TRIO: variants seen among roughly 807,000 people sequenced by gnomAD.
The protein encoded by TRIO is trio Rho guanine nucleotide exchange factor, also known as triple functional domain protein.
TRIO carries 58 observed loss-of-function variants against 351.9 expected under a neutral mutation model. The observed-to-expected ratio is 0.16, with a 90% CI of 0.13 to 0.21. The LOEUF is 0.21. Ranked by LOEUF, TRIO falls within the 10% of genes least tolerant of loss-of-function variation. TRIO has a pLI of 1.00. For synonymous variants in TRIO, 1,758 were observed against 1,595.7 expected (o/e 1.10, Z -2.42); for missense variants, 3,201 against 4,027.8 (o/e 0.79, Z 5.56).
At chr5:14,366,310 C>A (rs1348978785) in intron 15 of TRIO, among the ~76,000 whole-genome samples, 1 of 152,168 alleles carries the variant, frequency 6.6e-6, no homozygotes, top group Non-Finnish European at 1.5e-5. Flanking sequence ...TTAGAATTTA[C>A]TTCCTCTGAG....
intron 39 of TRIO, 57 bp from the exon 40 acceptor site, chr5:14,473,937 A>G: frequency 2.6e-6 from 4 of 1,520,976 alleles, no homozygotes; most frequent in East Asian, 2.3e-5. Flanking sequence ...TCAATAAGCC[A>G]CTAGTTGATT....
chr5:14,218,737 T>G (rs973317296), intron 1 of TRIO, among the ~76,000 whole-genome samples: 3 of 152,230 alleles, frequency 2.0e-5, no homozygotes, highest in Non-Finnish European at 4.4e-5. Context: ...GCCAGGGCTA[T>G]ACCCGGCTGC....
intron 38 of TRIO, among the ~76,000 whole-genome samples, chr5:14,472,219 T>C (rs1754742757): frequency 6.6e-6 from 1 of 152,276 alleles, no homozygotes; most frequent in African/African-American, 2.4e-5. Context: ...AAAGTTTTTC[T>C]TGTATAGCCA....
rs753023352 is a variant in TRIO, at chr5:14,488,274, G to T, written c.7632+14G>T. The T allele has an allele frequency of 6.5e-7, 1 of 1,543,506 alleles. No individual in the cohort carries two copies. The highest frequency in any genetic ancestry group is 8.7e-7 in the Non-Finnish European group (1 of 1,150,014). ...CAGAGCAACGGGGTAAGCGCGTCGG[G>T]GGGCCCGCGCCCTCCCGCCCCCCTG... is the stretch of plus-strand genomic sequence containing the variant. On this transcript the variant is annotated intron_variant, in intron 48 of 56. Coordinates refer to ENST00000344204, the MANE Select transcript of TRIO (RefSeq NM_007118.4).
At chr5:14,199,662 C>T (rs1581333443) in intron 1 of TRIO, among the ~76,000 whole-genome samples, 1 of 152,188 alleles carries the variant, frequency 6.6e-6, no homozygotes, top group African/African-American at 2.4e-5. Context: ...CTGTTCCCTG[C>T]CCCTCTCCTC....
Position 14,149,570 on chromosome 5 carries a change from C to T in TRIO, c.157+5688C>T, listed in dbSNP as rs146426956. Among the ~76,000 whole-genome samples the T allele has an allele frequency of 8.3e-3, 1,267 of 152,196 alleles. 15 individuals are homozygous for T. Among genetic ancestry groups the T allele is most frequent in the African/African-American group, 0.029 (1,204 of 41,512 alleles). The stretch of plus-strand genomic sequence containing the variant: ...GAGAGAGCAAACCAGAGTGAGGCTA[C>T]GAGCGGGGGGCAGAGGGCATTGACC... On this transcript the variant is annotated intron_variant, in intron 1 of 56. Transcript: ENST00000344204.
intron 7 of TRIO, among the ~76,000 whole-genome samples, chr5:14,298,118 C>T (rs1488220090): frequency 2.6e-5 from 4 of 152,120 alleles, no homozygotes; most frequent in Admixed American, 6.5e-5. Context: ...CAGTGTCTTT[C>T]ATAATTATAA....
chr5:14,336,489 C>T (rs1452144053), intron 10 of TRIO, 47 bp from the exon 11 acceptor site: 1 of 1,596,924 alleles, frequency 6.3e-7, no homozygotes, highest in Admixed American at 1.7e-5. Context: ...CCTGGCTGGT[C>T]TGCTTTTCAC....
chr5:14,441,168 A>G (rs1016227293), intron 34 of TRIO: 1 of 152,842 alleles, frequency 6.5e-6, no homozygotes, highest in African/African-American at 2.4e-5. Flanking sequence ...TTTTGCTGCC[A>G]AGCGGGTGGC....
At chr5:14,168,764 A>G (rs1407324332) in intron 1 of TRIO, among the ~76,000 whole-genome samples, 12 of 152,196 alleles carry the variant, frequency 7.9e-5, no homozygotes, top group Admixed American at 7.2e-4. Flanking sequence ...TTTTGTTACT[A>G]TATGTCCATC....
rs751905605 is a variant in TRIO, at chr5:14,498,226, G to A, written c.8185G>A (p.Asp2729Asn). The A allele has an allele frequency of 2.9e-5, 47 of 1,614,090 alleles. No individual in the cohort carries two copies. The African/African-American group carries it at 4.0e-4, about 14-fold the overall frequency. ...CCCTGAACACAACACCTTGAACAAC[G>A]ATGGTCACTACAGCATCTCCTACAG... ...KGPEHNTLNNDGHYSISYSDL... is the reference protein window; with the variant it reads ...KGPEHNTLNNNGHYSISYSDL... The change falls in exon 52 of 57, where the codon GAT becomes AAT. Residue 2729 changes from aspartate to asparagine, a missense_variant. Physicochemically the swap from Asp to Asn is conservative, Grantham distance 23. Around this residue, in one of 19 missense-constraint regions of TRIO, gnomAD observed 1,089 missense variants for 954.9 expected, o/e 1.14. Coordinates refer to ENST00000344204, the MANE Select transcript of TRIO (RefSeq NM_007118.4).
chr5:14,349,991 C>A (rs1423922609), intron 11 of TRIO, among the ~76,000 whole-genome samples: 1 of 152,172 alleles, frequency 6.6e-6, no homozygotes, highest in Non-Finnish European at 1.5e-5. Flanking sequence ...GTTTTCTGTT[C>A]ATGCATTAGT....
rs1227649681 is a variant in TRIO at position 14,143,754 on chromosome 5, CCCCCGCCGCGTCCTCCGG to C, written c.40_57del (p.Ser14_Ala19del). ...AGCGGCAGCAGCGGCGGAGCCGCCG[CCCCCGCCGCGTCCTCCGG>C]CCCCGCCGCGGCGGCCAGCGCGGCT... On this transcript the variant is annotated inframe_deletion, in exon 1 of 57. Transcript: ENST00000344204. The C allele has an allele frequency of 6.1e-6, 6 of 988,866 alleles. No individual in the cohort carries two copies. The highest frequency in any genetic ancestry group is 4.8e-6 in the Non-Finnish European group (4 of 833,920). The allele number at this position is 988,866 out of a possible 1,614,324, so 61.3% of individuals were successfully genotyped here. A position where few individuals can be genotyped will look rare whatever the true frequency, so the allele number is the denominator to read the frequency against.
At chr5:14,247,253 T>C (rs534069889) in intron 1 of TRIO, among the ~76,000 whole-genome samples, 5 of 152,360 alleles carry the variant, frequency 3.3e-5, no homozygotes, top group Non-Finnish European at 5.9e-5. Context: ...GTCCTGTCAC[T>C]GTCACAACTG....
At position 14,366,986 on chromosome 5, in the gene TRIO, G is replaced by C. The variant is rs981331345; in HGVS notation, c.2874+7G>C. On this transcript the variant is annotated splice_region_variant and intron_variant, in intron 16 of 56. Coordinates refer to ENST00000344204, the MANE Select transcript of TRIO (RefSeq NM_007118.4). ...GTTCCAGCATGCCATTGAGGTAAGGGCGCTGGGCCTGCCTGTGTGTTGGCT... is the reference window on the plus strand; with the variant it reads ...GTTCCAGCATGCCATTGAGGTAAGGCCGCTGGGCCTGCCTGTGTGTTGGCT... The C allele has an allele frequency of 2.5e-6, 4 of 1,613,996 alleles. No individual in the cohort carries two copies. The highest frequency in any genetic ancestry group is 1.7e-4 in the Middle Eastern group (1 of 6,060).
chr5:14,237,823 G>A (rs371079619), intron 1 of TRIO, among the ~76,000 whole-genome samples: 20 of 152,132 alleles, frequency 1.3e-4, no homozygotes, highest in East Asian at 3.8e-4. Context: ...AAAGAGAAAC[G>A]GTTACCAGCT....
intron 11 of TRIO, among the ~76,000 whole-genome samples, chr5:14,347,957 A>G (rs191237060): frequency 6.6e-6 from 1 of 152,272 alleles, no homozygotes; most frequent in Non-Finnish European, 1.5e-5. Flanking sequence ...TAAGAATCAC[A>G]TAGGTGGCAA....
At position 14,508,595 on chromosome 5, in the gene TRIO, G is replaced by C; in HGVS notation, c.*173G>C. 1 of 806,372 alleles carries C rather than the reference G, an allele frequency of 1.2e-6. No individual in the cohort carries two copies. The highest frequency in any genetic ancestry group is 1.9e-5 in the South Asian group (1 of 52,284). The allele number at this position is 806,372 out of a possible 1,614,324, so 50.0% of individuals were successfully genotyped here. ...GCTTGGACACAGAGCTGCAAGCTGC[G>C]CTGGGGTGGAGGACCGTCACTTACA... On this transcript the variant is annotated 3_prime_UTR_variant, in exon 57 of 57. Transcript: ENST00000344204.
intron 9 of TRIO, among the ~76,000 whole-genome samples, chr5:14,325,112 G>C (rs1376722312): frequency 6.6e-6 from 1 of 152,118 alleles, no homozygotes; most frequent in Admixed American, 6.5e-5. Context: ...AACCATTCTA[G>C]GAAGTATTTG....
Sources: gnomAD v4.1 joint callset for allele counts (sites outside exome capture counted in the v4.1 genomes callset) on GRCh38, gnomAD v4.1.1 for gene constraint, gnomAD v4.1.1 regional missense constraint, MANE v1.5 for transcripts, NCBI Gene and HGNC (gene_info 2026-07-23, HGNC 2026-07-21) for gene names.